The following SLC14A2 variants were observed in gnomAD, a reference collection of about 807,000 sequenced individuals.
SLC14A2 encodes the protein solute carrier family 14 member 2, also known as urea transporter 2.
Under a neutral mutation model 104.6 loss-of-function variants are expected in SLC14A2, and 91 were observed. That is an observed-to-expected ratio of 0.87 (90% CI 0.73 to 1.04). The LOEUF is 1.04. Among genes scored for constraint, SLC14A2 ranks in the 50% least tolerant of loss-of-function variants. SLC14A2 has a pLI of 0.00. For synonymous variants in SLC14A2, 476 were observed against 466.4 expected (o/e 1.02, Z -0.27); for missense variants, 1,189 against 1,156.0 (o/e 1.03, Z -0.41).
chr18:45,513,855 G>A (rs189685350), intron 2 of SLC14A2, among the ~76,000 whole-genome samples: 31 of 152,224 alleles, frequency 2.0e-4, no homozygotes, highest in African/African-American at 7.5e-4. Flanking sequence ...GCCAAAAATG[G>A]ACCCAGTTTC....
intron 1 of SLC14A2, among the ~76,000 whole-genome samples, chr18:45,406,063 G>A (rs1338031201): frequency 2.0e-5 from 3 of 152,116 alleles, no homozygotes; most frequent in African/African-American, 7.2e-5. Flanking sequence ...TCAATAGACT[G>A]TTGTTCTCAT....
At chr18:45,190,672 C>A in the SLC14A2 span, among the ~76,000 whole-genome samples, 1 of 152,202 alleles carries the variant, frequency 6.6e-6, no homozygotes, top group Non-Finnish European at 1.5e-5. Context: ...CACATTTCTA[C>A]CAATCCCATG....
the SLC14A2 span, among the ~76,000 whole-genome samples, chr18:45,207,575 G>A: frequency 6.6e-6 from 1 of 152,126 alleles, no homozygotes; most frequent in Non-Finnish European, 1.5e-5. Context: ...ATCTAAAATG[G>A]AAATTTCAGT....
rs574185173 is a variant in SLC14A2 at position 45,563,473 on chromosome 18, G to C, written c.-34-61158G>C. Among the ~76,000 whole-genome samples, 3 of 152,328 alleles carry C rather than the reference G, an allele frequency of 2.0e-5. No homozygotes were observed. In the South Asian group the frequency reaches 6.2e-4, roughly 32 times the overall value. On this transcript the variant is annotated intron_variant, in intron 2 of 20. Transcript: ENST00000586448. ...AAGTATAATTTTATTGAGAAAGAATGAAGTCACAACAAATTACACATTTTA... is the reference window on the plus strand; with the variant it reads ...AAGTATAATTTTATTGAGAAAGAATCAAGTCACAACAAATTACACATTTTA...
At chr18:45,435,325 A>C (rs1223284045) in intron 1 of SLC14A2, 1 of 152,354 alleles carries the variant, frequency 6.6e-6, no homozygotes, top group East Asian at 1.9e-4. Context: ...TATTAGCCCA[A>C]CTCAAAGGCA....
At chr18:45,243,271 G>C (rs1490019513) in intron 1 of SLC14A2, among the ~76,000 whole-genome samples, 3 of 152,208 alleles carry the variant, frequency 2.0e-5, no homozygotes, top group Admixed American at 6.5e-5. Flanking sequence ...CTGTGAGTGA[G>C]AGCTTGCATG....
intron 2 of SLC14A2, among the ~76,000 whole-genome samples, chr18:45,583,992 A>G (rs1183125564): frequency 6.6e-6 from 1 of 152,284 alleles, no homozygotes; most frequent in Non-Finnish European, 1.5e-5. Context: ...TTAGCCCAAT[A>G]GACCCAAAAT....
intron 2 of SLC14A2, among the ~76,000 whole-genome samples, chr18:45,532,077 A>G (rs1225432612): frequency 6.6e-6 from 1 of 152,180 alleles, no homozygotes; most frequent in Non-Finnish European, 1.5e-5. Flanking sequence ...TTTTGGTAGG[A>G]GTACCATGCT....
intron 1 of SLC14A2, among the ~76,000 whole-genome samples, chr18:45,354,544 G>A (rs756308480): frequency 3.9e-5 from 6 of 152,222 alleles, no homozygotes; most frequent in Non-Finnish European, 8.8e-5. Context: ...GCTTGCAAGC[G>A]TGTCCTCACA....
chr18:45,343,576 G>A (rs896234636), intron 1 of SLC14A2, among the ~76,000 whole-genome samples: 3 of 152,044 alleles, frequency 2.0e-5, no homozygotes, highest in Non-Finnish European at 4.4e-5. Context: ...TCTCGCCTTT[G>A]TAATTGGATT....
chr18:45,649,726 G>C (rs1342591886), intron 10 of SLC14A2, among the ~76,000 whole-genome samples: 2 of 152,214 alleles, frequency 1.3e-5, no homozygotes, highest in East Asian at 3.8e-4. Context: ...GAGGCGAGGG[G>C]CTCCTGCCCT....
chr18:45,238,759 G>A (rs974256720), intron 1 of SLC14A2, among the ~76,000 whole-genome samples: 7 of 152,240 alleles, frequency 4.6e-5, no homozygotes, highest in Non-Finnish European at 8.8e-5. Flanking sequence ...TACAACTAAC[G>A]GCAATGTTGG....
intron 2 of SLC14A2, among the ~76,000 whole-genome samples, chr18:45,545,619 CA>C (rs1421871101): frequency 2.0e-5 from 3 of 152,176 alleles, no homozygotes; most frequent in African/African-American, 7.2e-5. Flanking sequence ...AGACACCATG[CA>C]GACTAGCAGC....
chr18:45,302,408 C>T (rs1036893995), intron 1 of SLC14A2, among the ~76,000 whole-genome samples: 5 of 152,206 alleles, frequency 3.3e-5, no homozygotes, highest in African/African-American at 4.8e-5. Flanking sequence ...TGACTTCATT[C>T]TGTAGATGTG....
chr18:45,639,780 T>G lies in SLC14A2; in HGVS notation c.878T>G (p.Val293Gly), dbSNP rs2045488164. ...GCCATCCCTGTTGGGGTCGGCCAGGTGTATGGCTGTGACAATCCCTGGACA... is the reference window on the plus strand; with the variant it reads ...GCCATCCCTGTTGGGGTCGGCCAGGGGTATGGCTGTGACAATCCCTGGACA... ...LQAIPVGVGQ[V>G]YGCDNPWTGG... is the part of the protein sequence containing the mutation. Residue 293 changes from valine to glycine, a missense_variant, in exon 7 of 20, where the codon GTG becomes GGG. Physicochemically the swap from Val to Gly is moderately radical, Grantham distance 109. Coordinates refer to ENST00000255226, the MANE Select transcript of SLC14A2 (RefSeq NM_007163.4). The G allele has an allele frequency of 6.2e-7, 1 of 1,613,998 alleles. No homozygotes were observed. The highest frequency in any genetic ancestry group is 8.5e-7 in the Non-Finnish European group (1 of 1,179,982).
chr18:45,492,755 G>C (rs2043024182), intron 2 of SLC14A2, among the ~76,000 whole-genome samples: 1 of 152,202 alleles, frequency 6.6e-6, no homozygotes, highest in Admixed American at 6.5e-5. Flanking sequence ...GACTAATTCT[G>C]TGCCCACAGA....
intron 1 of SLC14A2, among the ~76,000 whole-genome samples, chr18:45,241,639 C>CTTTTTT (rs370878349): frequency 2.5e-5 from 3 of 118,038 alleles, no homozygotes; most frequent in Non-Finnish European, 5.1e-5. Context: ...TTTCTTTTCT[C>CTTTTTT]TTTTTTTTTT....
At chr18:45,310,764 T>C (rs1599664995) in intron 1 of SLC14A2, among the ~76,000 whole-genome samples, 1 of 152,316 alleles carries the variant, frequency 6.6e-6, no homozygotes, top group South Asian at 2.1e-4. Flanking sequence ...TTGATGTGCA[T>C]ATGCTCAGGC....
intron 1 of SLC14A2, among the ~76,000 whole-genome samples, chr18:45,442,935 G>A (rs915532253): frequency 5.3e-5 from 8 of 152,156 alleles, no homozygotes; most frequent in African/African-American, 1.9e-4. Flanking sequence ...CAGGTGCTAG[G>A]TTGTTGAAGC....
Sources: allele counts gnomAD v4.1 joint callset (sites outside exome capture counted in the v4.1 genomes callset), GRCh38; gene constraint gnomAD v4.1.1; transcripts MANE v1.5; gene names NCBI Gene and HGNC (gene_info 2026-07-23, HGNC 2026-07-21).